The following PEX5L variants were observed in gnomAD, a reference collection of about 807,000 sequenced individuals.
The protein encoded by PEX5L is PEX5-related protein.
A neutral mutation model predicts 84.0 loss-of-function variants in PEX5L; 30 were observed. The observed-to-expected ratio is 0.36, with a 90% CI of 0.27 to 0.48. PEX5L has a LOEUF of 0.48. Among genes scored for constraint, PEX5L ranks in the 20% least tolerant of loss-of-function variants. The pLI, the probability that PEX5L is intolerant of heterozygous loss-of-function variation, is 0.99. For synonymous variants in PEX5L, 270 were observed against 283.1 expected, an observed-to-expected ratio of 0.95 and a Z score of 0.46; for missense variants, 533 against 754.6, an observed-to-expected ratio of 0.71 and a Z score of 3.44.
chr3:179,839,743 G>T (rs759188091), intron 8 of PEX5L, among the ~76,000 whole-genome samples: 2 of 152,090 alleles, frequency 1.3e-5, no homozygotes, highest in African/African-American at 4.8e-5. Flanking sequence ...GCTTTTAAGA[G>T]TTTCCAGTCC....
chr3:179,935,899 CTCTT>C (rs1406062280), intron 2 of PEX5L, among the ~76,000 whole-genome samples: 3 of 152,272 alleles, frequency 2.0e-5, no homozygotes, highest in African/African-American at 4.8e-5. Flanking sequence ...CTCATTTTGG[CTCTT>C]TCTTTTTTTG....
chr3:179,905,748 C>T (rs972266064), intron 2 of PEX5L, among the ~76,000 whole-genome samples: 5 of 152,138 alleles, frequency 3.3e-5, no homozygotes, highest in Non-Finnish European at 1.5e-5. Context: ...TAAGCTCCTC[C>T]TTGGGACCTT....
intron 2 of PEX5L, among the ~76,000 whole-genome samples, chr3:179,948,444 C>G (rs1524515): frequency 0.59 from 89,659 of 152,030 alleles, 27,593 homozygotes; most frequent in African/African-American, 0.77. Context: ...GAGAAATTAT[C>G]AGGGGGAAAA....
intron 8 of PEX5L, among the ~76,000 whole-genome samples, chr3:179,828,111 C>T (rs1341840568): frequency 1.3e-5 from 2 of 152,140 alleles, no homozygotes; most frequent in Admixed American, 6.5e-5. Context: ...CAGAATCCCC[C>T]CAACCCCTGA....
intron 7 of PEX5L, among the ~76,000 whole-genome samples, chr3:179,860,126 T>TG (rs1248283011): frequency 1.6e-5 from 2 of 123,932 alleles, no homozygotes; most frequent in Admixed American, 7.4e-5. Context: ...TTTTGTTTTT[T>TG]GTTTTTTTTG....
At chr3:180,005,008 T>C (rs1788746491) in intron 1 of PEX5L, among the ~76,000 whole-genome samples, 1 of 152,192 alleles carries the variant, frequency 6.6e-6, no homozygotes, top group East Asian at 1.9e-4. Context: ...AGGTTTTAAA[T>C]ATATTTAAAA....
chr3:179,847,794 T>C (rs2108408989), intron 8 of PEX5L, among the ~76,000 whole-genome samples: 1 of 152,188 alleles, frequency 6.6e-6, no homozygotes, highest in South Asian at 2.1e-4. Flanking sequence ...CTTGACTTCC[T>C]GGGCTCAAGT....
chr3:179,928,303 C>G (rs1772046380), intron 2 of PEX5L, among the ~76,000 whole-genome samples: 1 of 152,162 alleles, frequency 6.6e-6, no homozygotes, highest in Non-Finnish European at 1.5e-5. Context: ...TAAATTACAA[C>G]CATAATTCAG....
intron 4 of PEX5L, among the ~76,000 whole-genome samples, chr3:179,884,155 G>A (rs1358916887): frequency 1.3e-5 from 2 of 152,190 alleles, no homozygotes; most frequent in African/African-American, 4.8e-5. Flanking sequence ...CAGCTGGTGT[G>A]GTAGAAAAAC....
chr3:179,887,885 C>A (rs1052398610), intron 3 of PEX5L, 101 bp from the exon 4 acceptor site: 2 of 793,680 alleles, frequency 2.5e-6, no homozygotes, highest in Admixed American at 2.2e-5. Context: ...GCAAGCCTAC[C>A]AAAAATAAAT....
rs992863978 is a variant in PEX5L, at chr3:179,797,832, CCT to C, written c.*3994_*3995del. The stretch of plus-strand genomic sequence containing the variant: ...CATATAAAGTAAGCCTTTAGAATAC[CCT>C]GTTTCTAGAATGTTCTAGAAGTATC... On this transcript the variant is annotated 3_prime_UTR_variant, in exon 15 of 15. Coordinates refer to ENST00000467460, the MANE Select transcript of PEX5L (RefSeq NM_016559.3). The C allele has an allele frequency of 1.3e-5, 2 of 151,620 alleles. No homozygotes were observed. Among genetic ancestry groups the C allele is most frequent in the African/African-American group, 2.4e-5 (1 of 41,290 alleles). 9.4% of individuals were successfully genotyped at this position (151,620 alleles called of 1,614,324 possible). A position where few individuals can be genotyped will look rare whatever the true frequency, so the allele number is the denominator to read the frequency against.
At chr3:179,879,206 C>G (rs1753404392) in intron 5 of PEX5L, among the ~76,000 whole-genome samples, 1 of 152,194 alleles carries the variant, frequency 6.6e-6, no homozygotes, top group Non-Finnish European at 1.5e-5. Flanking sequence ...ACTGTTCTTT[C>G]TCTTGAGAAA....
At chr3:179,847,064 T>C (rs1739671154) in intron 8 of PEX5L, among the ~76,000 whole-genome samples, 1 of 61,548 alleles carries the variant, frequency 1.6e-5, no homozygotes, top group Non-Finnish European at 3.6e-5. Flanking sequence ...TCTCCATGTG[T>C]GTGTGTGTGT....
chr3:180,018,934 G>C (rs1323400474), intron 1 of PEX5L, among the ~76,000 whole-genome samples: 1 of 152,034 alleles, frequency 6.6e-6, no homozygotes, highest in Non-Finnish European at 1.5e-5. Context: ...AGAGTTTTCG[G>C]GCCACTCTAT....
At chr3:179,905,374 G>A (rs1308546213) in intron 2 of PEX5L, among the ~76,000 whole-genome samples, 10 of 151,882 alleles carry the variant, frequency 6.6e-5, no homozygotes, top group Admixed American at 2.0e-4. Context: ...CCAGGTTCAA[G>A]CCATTCTCCT....
chr3:179,930,128 T>C (rs537822975), intron 2 of PEX5L, among the ~76,000 whole-genome samples: 2 of 152,198 alleles, frequency 1.3e-5, no homozygotes, highest in South Asian at 4.1e-4. Context: ...ACATTCTAGA[T>C]GTGGGAGTCT....
rs936603791 is a variant in PEX5L, at chr3:179,995,798, C to G, written c.22-24133G>C. On this transcript the variant is annotated intron_variant, in intron 1 of 14. Transcript: ENST00000467460. ...TCTTATGAAGCAAGTGGCTGACCTG[C>G]AACGAAAGGTGCATGCACAGCCTCT... is the stretch of plus-strand genomic sequence containing the variant. Among the ~76,000 whole-genome samples the G allele has an allele frequency of 7.9e-4, 120 of 152,140 alleles. 1 individual carries two copies. Among genetic ancestry groups the G allele is most frequent in the Non-Finnish European group, 4.6e-4 (31 of 68,024 alleles).
chr3:179,887,729 A>G lies in PEX5L; in HGVS notation c.254T>C (p.Phe85Ser). The change falls in exon 4 of 15, where the codon TTT (phenylalanine) becomes TCT (serine). Residue 85 changes from phenylalanine to serine, a missense_variant. Phe to Ser is a radical substitution (Grantham distance 155). This residue lies in a region of PEX5L where 259 missense variants were observed against 301.7 expected (regional missense o/e 0.86). Coordinates refer to ENST00000467460, the MANE Select transcript of PEX5L (RefSeq NM_016559.3). ...RPLLSPSIDDFLCETKSEAIA... is the reference protein window; with the variant it reads ...RPLLSPSIDDSLCETKSEAIA... Reference sequence around the variant, plus strand: ...TGCTTCCGATTTGGTTTCACAGAGAAAGTCATCGATGGAGGGACTCAGGAG... The same window carrying G: ...TGCTTCCGATTTGGTTTCACAGAGAGAGTCATCGATGGAGGGACTCAGGAG... The G allele has an allele frequency of 6.2e-7, 1 of 1,614,048 alleles. No homozygotes were observed. Among genetic ancestry groups the G allele is most frequent in the Non-Finnish European group, 8.5e-7 (1 of 1,179,936 alleles).
At position 179,800,220 on chromosome 3, in the gene PEX5L, C is replaced by A. The variant is rs1009655267; in HGVS notation, c.*1608G>T. 6.6e-6 allele frequency: 1 copy of A among 152,170 alleles called. No individual in the cohort carries two copies. The highest frequency in any genetic ancestry group is 1.5e-5 in the Non-Finnish European group (1 of 68,032). 9.4% of individuals were successfully genotyped at this position (152,170 alleles called of 1,614,324 possible). A position where few individuals can be genotyped will look rare whatever the true frequency, so the allele number is the denominator to read the frequency against. Reference sequence around the variant, plus strand: ...TCCTCAGTAGAAGCTTATTCCCCAGCCAATTAGACTGTTTTGATCCCAATT... The same window carrying A: ...TCCTCAGTAGAAGCTTATTCCCCAGACAATTAGACTGTTTTGATCCCAATT... On this transcript the variant is annotated 3_prime_UTR_variant, in exon 15 of 15. Coordinates refer to ENST00000467460, the MANE Select transcript of PEX5L (RefSeq NM_016559.3).
Sources: gnomAD v4.1 joint callset for allele counts (sites outside exome capture counted in the v4.1 genomes callset) on GRCh38, gnomAD v4.1.1 for gene constraint, gnomAD v4.1.1 regional missense constraint, MANE v1.5 for transcripts, NCBI Gene and HGNC (gene_info 2026-07-23, HGNC 2026-07-21) for gene names.